DTL: variants seen among roughly 807,000 people sequenced by gnomAD.
DTL encodes denticleless E3 ubiquitin protein ligase adapter.
In DTL, 46 loss-of-function variants were observed where a neutral mutation model predicts 87.0. That is an observed-to-expected ratio of 0.53 (90% confidence interval 0.42 to 0.68). DTL has a LOEUF of 0.68. Among genes scored for constraint, DTL ranks in the 30% least tolerant of loss-of-function variants. DTL has a pLI of 0.00. For missense variants in DTL, 737 were observed against 869.4 expected, an observed-to-expected ratio of 0.85 and a Z score of 1.91; for synonymous variants, 308 against 311.2, an observed-to-expected ratio of 0.99 and a Z score of 0.11.
chr1:212,053,795 AG>A (rs1436109860), intron 5 of DTL, among the ~76,000 whole-genome samples: 1 of 152,182 alleles, frequency 6.6e-6, no homozygotes, highest in Non-Finnish European at 1.5e-5. Flanking sequence ...CATGTTGCCC[AG>A]GCTAAGTGTA....
intron 1 of DTL, among the ~76,000 whole-genome samples, chr1:212,039,266 T>G (rs548340131): frequency 6.6e-6 from 1 of 152,210 alleles, no homozygotes; most frequent in Non-Finnish European, 1.5e-5. Context: ...TAAAATTTTA[T>G]TGGAAGTCCA....
intron 5 of DTL, among the ~76,000 whole-genome samples, chr1:212,059,109 T>TA (rs1668261387): frequency 6.6e-6 from 1 of 152,080 alleles, no homozygotes; most frequent in South Asian, 2.1e-4. Context: ...TTTAAAGAAC[T>TA]AACACCAGTT....
chr1:212,052,141 G>A, intron 5 of DTL: 2 of 652,312 alleles, frequency 3.1e-6, no homozygotes, highest in South Asian at 1.8e-5. Flanking sequence ...GAACTCTGTG[G>A]TTGTTAAAAT....
At chr1:212,065,138 C>G in intron 7 of DTL, 109 bp downstream of exon 7, 1 of 833,254 alleles carries the variant, frequency 1.2e-6, no homozygotes, top group Non-Finnish European at 1.9e-6. Context: ...CATTTGATAT[C>G]AGTGGTTTAT....
intron 2 of DTL, 93 bp from the exon 3 acceptor site, chr1:212,044,567 C>A: frequency 1.4e-6 from 1 of 712,350 alleles, no homozygotes; most frequent in South Asian, 1.9e-5. Context: ...TGCACTATTG[C>A]ACTCCAGTCT....
At chr1:212,096,744 T>C (rs1261836126) in intron 13 of DTL, among the ~76,000 whole-genome samples, 1 of 152,238 alleles carries the variant, frequency 6.6e-6, no homozygotes, top group Non-Finnish European at 1.5e-5. Flanking sequence ...GTACTTGATA[T>C]AATTTTGATT....
At chr1:212,043,588 G>A (rs1667719453) in intron 2 of DTL, among the ~76,000 whole-genome samples, 1 of 152,030 alleles carries the variant, frequency 6.6e-6, no homozygotes, top group East Asian at 1.9e-4. Context: ...CCCGAACTTT[G>A]GGAGGCCAAG....
intron 11 of DTL, among the ~76,000 whole-genome samples, chr1:212,076,872 A>G (rs1654846924): frequency 6.6e-6 from 1 of 152,206 alleles, no homozygotes; most frequent in Non-Finnish European, 1.5e-5. Flanking sequence ...GTAGATGTGG[A>G]AAAAGCTTCC....
chr1:212,069,306 C>G (rs1171693772), intron 10 of DTL, among the ~76,000 whole-genome samples: 1 of 152,018 alleles, frequency 6.6e-6, no homozygotes, highest in Non-Finnish European at 1.5e-5. Flanking sequence ...AATCACCAGC[C>G]TCAGGCATGC....
chr1:212,049,766 G>C (rs757229013), intron 5 of DTL, among the ~76,000 whole-genome samples: 23 of 152,110 alleles, frequency 1.5e-4, no homozygotes, highest in Non-Finnish European at 2.8e-4. Context: ...GGCCTCCTGG[G>C]CAAAGTGATT....
At position 212,104,230 on chromosome 1, in the gene DTL, A is replaced by G. The variant is rs911316418; in HGVS notation, c.*1290A>G. ...CCAGTCATGAAACTTCATTTGTTTT[A>G]TCCATATCCCTGAGGACTGTGTAGA... On this transcript the variant is annotated 3_prime_UTR_variant, in exon 15 of 15. Coordinates refer to ENST00000366991, the MANE Select transcript of DTL (RefSeq NM_016448.4). The G allele has an allele frequency of 2.2e-4, 5 of 22,414 alleles. No individual in the cohort carries two copies. Among genetic ancestry groups the G allele is most frequent in the Admixed American group, 5.4e-4 (1 of 1,864 alleles). The allele number at this position is 22,414 out of a possible 1,614,324, so 1.4% of individuals were successfully genotyped here. A position where few individuals can be genotyped will look rare whatever the true frequency, so the allele number is the denominator to read the frequency against.
intron 13 of DTL, among the ~76,000 whole-genome samples, chr1:212,084,075 T>C (rs186319230): frequency 6.6e-6 from 1 of 152,348 alleles, no homozygotes; most frequent in East Asian, 1.9e-4. Context: ...TAAGGACTTA[T>C]TTAGTTGCTT....
At chr1:212,079,052 C>G (rs988852379) in intron 12 of DTL, among the ~76,000 whole-genome samples, 5 of 152,056 alleles carry the variant, frequency 3.3e-5, no homozygotes, top group Non-Finnish European at 7.4e-5. Context: ...CCAGAAACTT[C>G]TCATGGTCTG....
At chr1:212,050,516 A>T (rs1390579951) in intron 5 of DTL, among the ~76,000 whole-genome samples, 1 of 152,246 alleles carries the variant, frequency 6.6e-6, no homozygotes, top group African/African-American at 2.4e-5. Context: ...CTTCTTTCTC[A>T]TTCTTCATTC....
At chr1:212,058,161 C>G (rs1288623747) in intron 5 of DTL, among the ~76,000 whole-genome samples, 1 of 151,966 alleles carries the variant, frequency 6.6e-6, no homozygotes, top group Middle Eastern at 3.2e-3. Flanking sequence ...AGACAGATAT[C>G]TAGAAAGAAA....
chr1:212,041,532 G>A (rs1205570965), intron 1 of DTL, among the ~76,000 whole-genome samples: 1 of 149,152 alleles, frequency 6.7e-6, no homozygotes, highest in Non-Finnish European at 1.5e-5. Flanking sequence ...TGGGGACGGA[G>A]TGTCGCTGTG....
intron 13 of DTL, among the ~76,000 whole-genome samples, chr1:212,087,414 G>T (rs1431934426): frequency 6.6e-6 from 1 of 152,114 alleles, no homozygotes; most frequent in Non-Finnish European, 1.5e-5. Flanking sequence ...GCCGGGCATG[G>T]TGGCACACGC....
chr1:212,057,300 T>C (rs1483583963), intron 5 of DTL, among the ~76,000 whole-genome samples: 1 of 151,852 alleles, frequency 6.6e-6, no homozygotes, highest in Non-Finnish European at 1.5e-5. Context: ...AACAGCAGAT[T>C]TCTCAGCAGA....
intron 5 of DTL, among the ~76,000 whole-genome samples, chr1:212,052,210 G>A (rs1668004993): frequency 6.6e-6 from 1 of 152,024 alleles, no homozygotes; most frequent in Non-Finnish European, 1.5e-5. Context: ...TTTTGTCTTT[G>A]GTTTCTAGCA....
Sources: gnomAD v4.1 joint callset for allele counts (sites outside exome capture counted in the v4.1 genomes callset) on GRCh38, gnomAD v4.1.1 for gene constraint, MANE v1.5 for transcripts, NCBI Gene and HGNC (gene_info 2026-07-23, HGNC 2026-07-21) for gene names.